Variants in MACROD1 observed in about 807,000 individuals in gnomAD.
MACROD1 encodes ADP-ribose glycohydrolase MACROD1.
A neutral mutation model predicts 41.4 loss-of-function variants in MACROD1; 31 were observed. The ratio of observed to expected loss-of-function variants is 0.75; its 90% CI spans 0.56 to 1.01. The LOEUF (loss-of-function observed/expected upper bound fraction) is 1.01, where lower values mean the gene tolerates loss of function less well. Among genes scored for constraint, MACROD1 ranks in the 50% least tolerant of loss-of-function variants. The pLI is 0.00. For synonymous variants in MACROD1, 252 were observed against 203.4 expected (o/e 1.24, Z -2.03); for missense variants, 473 against 460.0 (o/e 1.03, Z -0.26).
chr11:64,125,556 C>T (rs1315138765), intron 3 of MACROD1, among the ~76,000 whole-genome samples: 2 of 152,248 alleles, frequency 1.3e-5, no homozygotes, highest in African/African-American at 4.8e-5. Flanking sequence ...TTCTCTCGTC[C>T]TGCTCCTGCC....
chr11:64,007,208 G>T (rs1015316647), intron 4 of MACROD1, among the ~76,000 whole-genome samples: 2 of 152,204 alleles, frequency 1.3e-5, no homozygotes, highest in African/African-American at 2.4e-5. Flanking sequence ...GGGGCGACGT[G>T]CCACGTGCCA....
Position 64,137,709 on chromosome 11 carries a change from G to A in MACROD1, c.517+13530C>T, listed in dbSNP as rs1263827823. ...CCTCGGAAGGCCACACACCAGCATC[G>A]AGTAGCAGGTGCCAGGGCAGAGAGC... On this transcript the variant is annotated intron_variant, in intron 3 of 10. Coordinates refer to ENST00000255681, the MANE Select transcript of MACROD1 (RefSeq NM_014067.4). Among the ~76,000 whole-genome samples, 7 of 152,246 alleles carry A rather than the reference G, an allele frequency of 4.6e-5. No homozygotes were observed. The East Asian group carries it at 5.8e-4, about 13-fold the overall frequency.
intron 5 of MACROD1, 36 bp downstream of exon 5, chr11:64,000,191 C>T (rs1434589277): frequency 6.4e-7 from 1 of 1,552,112 alleles, no homozygotes; most frequent in East Asian, 2.3e-5. Flanking sequence ...GGCGCCCTGT[C>T]TGCGCCCCAC....
intron 3 of MACROD1, among the ~76,000 whole-genome samples, chr11:64,058,680 G>A (rs1473336792): frequency 3.3e-5 from 5 of 152,248 alleles, no homozygotes; most frequent in South Asian, 2.1e-4. Context: ...GCTCCACGCC[G>A]GCTGCAACCG....
At chr11:64,068,311 C>T (rs1944043071) in intron 3 of MACROD1, among the ~76,000 whole-genome samples, 2 of 152,240 alleles carry the variant, frequency 1.3e-5, no homozygotes, top group Admixed American at 6.5e-5. Context: ...ACCCGCCTGT[C>T]CCACTCTTCC....
rs183334596 is a variant in MACROD1 at position 64,110,877 on chromosome 11, G to A, written c.517+40362C>T. Among the ~76,000 whole-genome samples the A allele has an allele frequency of 3.7e-3, 557 of 152,294 alleles. 19 individuals are homozygous for A. The South Asian group carries it at 0.085, about 23-fold the overall frequency. On this transcript the variant is annotated intron_variant, in intron 3 of 10. Coordinates refer to ENST00000255681, the MANE Select transcript of MACROD1 (RefSeq NM_014067.4). Reference sequence around the variant, plus strand: ...GGCAATTAGAGATTCCTCTGGTGAGGCGTGCTATCTTCCTCCCCACCCCCA... The same window carrying A: ...GGCAATTAGAGATTCCTCTGGTGAGACGTGCTATCTTCCTCCCCACCCCCA...
chr11:64,130,546 T>G (rs1242423711), intron 3 of MACROD1, among the ~76,000 whole-genome samples: 3 of 152,126 alleles, frequency 2.0e-5, no homozygotes, highest in Non-Finnish European at 4.4e-5. Context: ...CCAAGTTCTG[T>G]GGCTGAGTCT....
Position 64,120,983 on chromosome 11 carries a change from A to T in MACROD1, c.517+30256T>A, listed in dbSNP as rs1037901820. ...CTCCCCACCCTAGACAGGTCAGGTC[A>T]TGCCCTTAGTGGCTAGGAAGGCATC... On this transcript the variant is annotated intron_variant, in intron 3 of 10. Transcript: ENST00000255681. This position sits in a 1 kb window ranked among gnomAD's most constrained non-coding sequence, Gnocchi z 4.5. Among the ~76,000 whole-genome samples, 10 of 152,082 alleles carry T rather than the reference A, an allele frequency of 6.6e-5. No individual in the cohort carries two copies. The highest frequency in any genetic ancestry group is 2.2e-4 in the African/African-American group (9 of 41,420).
At chr11:64,076,381 A>G (rs910757871) in intron 3 of MACROD1, among the ~76,000 whole-genome samples, 4 of 152,142 alleles carry the variant, frequency 2.6e-5, no homozygotes, top group African/African-American at 9.7e-5. Context: ...GGAGACCGTG[A>G]TTGTCTCCAG....
chr11:64,116,991 G>C (rs779806631), intron 3 of MACROD1: 1 of 1,612,410 alleles, frequency 6.2e-7, no homozygotes, highest in African/African-American at 1.3e-5. Context: ...CATCGCCGAC[G>C]ACACCTTCAG....
intron 3 of MACROD1, among the ~76,000 whole-genome samples, chr11:64,017,546 G>C (rs934192939): frequency 4.6e-5 from 7 of 152,120 alleles, no homozygotes; most frequent in South Asian, 2.1e-4. Context: ...CCCTGGCCAG[G>C]GGTGGGGCTT....
At chr11:64,085,248 G>T (rs1184879082) in intron 3 of MACROD1, among the ~76,000 whole-genome samples, 1 of 152,208 alleles carries the variant, frequency 6.6e-6, no homozygotes, top group Non-Finnish European at 1.5e-5. Flanking sequence ...GAGCAGCGCT[G>T]TCCCTGGGCA....
At position 63,999,034 on chromosome 11, in the gene MACROD1, C is replaced by G. The variant is rs747800848; in HGVS notation, c.894G>C (p.Val298=). 33 of 1,602,202 alleles carry G rather than the reference C, an allele frequency of 2.1e-5. No individual in the cohort carries two copies. The Admixed American group carries it at 4.8e-4, about 23-fold the overall frequency. Residue 298 remains valine, a splice_region_variant and synonymous_variant, in exon 9 of 11, where the codon GTG becomes GTC. Transcript: ENST00000255681. The part of the protein sequence containing the change: ...REWLEQHKDK[V]DRLIICVFLE... ...GGAACACGCAGATGATCAGCCGGTC[C>G]ACCTGCGCCAGGGGCTGCTCAGCCT...
intron 4 of MACROD1, among the ~76,000 whole-genome samples, chr11:64,010,035 T>TTGTTGGTTGGGGTGTTGGCTGGGG (rs1942976106): frequency 1.5e-5 from 1 of 68,740 alleles, no homozygotes; most frequent in Non-Finnish European, 3.2e-5. Flanking sequence ...GTTGGCTGGG[T>TTGTTGGTTGGGGTGTTGGCTGGGG]TGTTGGTTGG....
At chr11:64,112,129 T>C (rs948473087) in intron 3 of MACROD1, among the ~76,000 whole-genome samples, 1 of 152,238 alleles carries the variant, frequency 6.6e-6, no homozygotes, top group African/African-American at 2.4e-5. Context: ...TTGAAATCTT[T>C]AGTGAGCATC....
chr11:64,086,377 T>G (rs1312484532), intron 3 of MACROD1, among the ~76,000 whole-genome samples: 1 of 152,070 alleles, frequency 6.6e-6, no homozygotes, highest in African/African-American at 2.4e-5. Context: ...GGTGCCCTTG[T>G]GACTACCCCC....
At chr11:64,110,365 C>T (rs372553599) in intron 3 of MACROD1, among the ~76,000 whole-genome samples, 1 of 151,710 alleles carries the variant, frequency 6.6e-6, no homozygotes, top group Non-Finnish European at 1.5e-5. Context: ...GGGAGGATCA[C>T]CTGAGCATGG....
chr11:64,128,604 C>T (rs1448697375), intron 3 of MACROD1, among the ~76,000 whole-genome samples: 1 of 151,984 alleles, frequency 6.6e-6, no homozygotes, highest in African/African-American at 2.4e-5. Context: ...CAGGAAGGCC[C>T]TGTGTCCCCC....
chr11:64,132,683 G>T (rs1056721813), intron 3 of MACROD1, among the ~76,000 whole-genome samples: 2 of 152,150 alleles, frequency 1.3e-5, no homozygotes, highest in Non-Finnish European at 2.9e-5. Flanking sequence ...CTGTGTGCCC[G>T]GGTCTCCTAA....
Sources: allele counts gnomAD v4.1 joint callset (sites outside exome capture counted in the v4.1 genomes callset), GRCh38; gene constraint gnomAD v4.1.1; non-coding constraint Gnocchi (gnomAD v3.1); transcripts MANE v1.5; gene names NCBI Gene and HGNC (gene_info 2026-07-23, HGNC 2026-07-21).